EPS15: variants seen among roughly 807,000 people sequenced by gnomAD.
EPS15 encodes the protein epidermal growth factor receptor pathway substrate 15.
EPS15 carries 72 observed loss-of-function variants against 113.8 expected under a neutral mutation model. That is an observed-to-expected ratio of 0.63 (90% confidence interval 0.52 to 0.77). EPS15 has a LOEUF of 0.77. Ranked by LOEUF, EPS15 falls within the 30% of genes least tolerant of loss-of-function variation. The probability of loss-of-function intolerance (pLI) is 0.00; values close to 1 mark genes in which losing one functional copy is unlikely to be tolerated. For missense variants in EPS15, 1,048 were observed against 1,045.8 expected (o/e 1.00, Z -0.03); for synonymous variants, 344 against 363.4 (o/e 0.95, Z 0.61).
intron 1 of EPS15, among the ~76,000 whole-genome samples, chr1:51,490,564 C>CAAAA (rs60149665): frequency 1.6e-4 from 12 of 76,624 alleles, no homozygotes; most frequent in East Asian, 3.7e-4. Context: ...GACTCCATCT[C>CAAAA]AAAAAAAAAA....
intron 21 of EPS15, 44 bp from the exon 22 acceptor site, chr1:51,366,073 T>A: frequency 4.2e-6 from 2 of 471,978 alleles, no homozygotes; most frequent in Non-Finnish European, 3.1e-6. Flanking sequence ...CAGTAAGACA[T>A]TTTTTTTTTT....
chr1:51,418,293 T>C (rs1398544760), intron 13 of EPS15, among the ~76,000 whole-genome samples: 1 of 152,100 alleles, frequency 6.6e-6, no homozygotes, highest in Non-Finnish European at 1.5e-5. Flanking sequence ...ACAATCTGTC[T>C]GTCCATCTGT....
At chr1:51,508,504 T>A (rs187663678) in intron 1 of EPS15, among the ~76,000 whole-genome samples, 3 of 152,046 alleles carry the variant, frequency 2.0e-5, no homozygotes, top group Non-Finnish European at 2.9e-5. Context: ...CATAAGCAAA[T>A]GAAAGGGTTT....
chr1:51,475,410 T>C (rs1285103459), intron 2 of EPS15, among the ~76,000 whole-genome samples: 19 of 152,222 alleles, frequency 1.2e-4, no homozygotes, highest in Non-Finnish European at 1.5e-5. Context: ...GGGTTTTATT[T>C]GCATTTCTCT....
At chr1:51,476,867 T>C (rs948427530) in intron 2 of EPS15, among the ~76,000 whole-genome samples, 1 of 152,262 alleles carries the variant, frequency 6.6e-6, no homozygotes, top group African/African-American at 2.4e-5. Flanking sequence ...AGTATTTTAT[T>C]GAGGATTTTT....
rs1646832348 is a variant in EPS15 at position 51,377,652 on chromosome 1, A to G, written c.2120-11623T>C. On this transcript the variant is annotated intron_variant, in intron 21 of 24. Transcript: ENST00000371733. ...GGCAGGATCTAAAAGGACGGATACC[A>G]ATTTTCAAAGACTATCTTGTGTGGG... Among the ~76,000 whole-genome samples, 3 of 152,306 alleles carry G rather than the reference A, an allele frequency of 2.0e-5. No homozygotes were observed. The South Asian group carries it at 6.2e-4, about 32-fold the overall frequency.
At chr1:51,400,412 C>T (rs911210916) in intron 19 of EPS15, among the ~76,000 whole-genome samples, 2 of 152,048 alleles carry the variant, frequency 1.3e-5, no homozygotes, top group South Asian at 4.1e-4. Flanking sequence ...GTAAAGCTAT[C>T]GGGCACAGTC....
chr1:51,462,134 A>G (rs113048963), intron 7 of EPS15: 9,439 of 152,274 alleles, frequency 0.062, 310 homozygotes, highest in Non-Finnish European at 0.075. Flanking sequence ...AGGCTGAAGC[A>G]GGTGGATCAC....
chr1:51,509,837 A>G (rs1570455763), intron 1 of EPS15, among the ~76,000 whole-genome samples: 1 of 152,210 alleles, frequency 6.6e-6, no homozygotes, highest in South Asian at 2.1e-4. Flanking sequence ...GTAGTAGCCT[A>G]CAACATATGT....
chr1:51,513,299 T>A (rs1644659786), intron 1 of EPS15, among the ~76,000 whole-genome samples: 1 of 152,148 alleles, frequency 6.6e-6, no homozygotes, highest in South Asian at 2.1e-4. Flanking sequence ...CAGCATTAGG[T>A]GGCCAGTAAA....
chr1:51,471,586 T>C (rs1655242075), intron 4 of EPS15, 104 bp downstream of exon 4: 1 of 885,472 alleles, frequency 1.1e-6, no homozygotes, highest in East Asian at 2.4e-5. Context: ...AACTCTAATG[T>C]TGGTAAAAAC....
intron 8 of EPS15, among the ~76,000 whole-genome samples, chr1:51,449,776 G>A (rs1219400402): frequency 6.6e-6 from 1 of 151,668 alleles, no homozygotes; most frequent in Non-Finnish European, 1.5e-5. Flanking sequence ...GCTAGGCAAT[G>A]GGTGCTTGCT....
At chr1:51,441,494 A>C (rs188541306) in intron 11 of EPS15, among the ~76,000 whole-genome samples, 21 of 152,262 alleles carry the variant, frequency 1.4e-4, no homozygotes, top group Admixed American at 1.3e-3. Context: ...CTGAACATTT[A>C]AAAACTAAGA....
At chr1:51,376,946 T>G (rs965641329) in intron 21 of EPS15, among the ~76,000 whole-genome samples, 1 of 152,114 alleles carries the variant, frequency 6.6e-6, no homozygotes, top group Non-Finnish European at 1.5e-5. Flanking sequence ...CTGGGAAGGA[T>G]TCACCATTCT....
At chr1:51,494,391 T>C (rs141106247) in intron 1 of EPS15, among the ~76,000 whole-genome samples, 1 of 152,368 alleles carries the variant, frequency 6.6e-6, no homozygotes, top group African/African-American at 2.4e-5. Flanking sequence ...CTCTTCCACC[T>C]TATTCAGTTT....
chr1:51,433,608 A>G (rs1651909203), intron 12 of EPS15, among the ~76,000 whole-genome samples: 1 of 152,252 alleles, frequency 6.6e-6, no homozygotes, highest in South Asian at 2.1e-4. Context: ...AACTTCGTGG[A>G]AATGAAGACT....
rs1423624261 is a variant in EPS15, at chr1:51,409,385, GA to G, written c.1275+149del. The G allele has an allele frequency of 6.3e-6, 4 of 638,586 alleles. No individual in the cohort carries two copies. In the African/African-American group the frequency reaches 7.4e-5, roughly 12 times the overall value. The allele number at this position is 638,586 out of a possible 1,614,324, so 39.6% of individuals were successfully genotyped here. ...TAAAGAAGGCCTGTAATTTCTGGAT[GA>G]ACCTTGCTCCATCGCCCCCATGAAC... is the stretch of plus-strand genomic sequence containing the variant. On this transcript the variant is annotated intron_variant, in intron 14 of 24. Coordinates refer to ENST00000371733, the MANE Select transcript of EPS15 (RefSeq NM_001981.3).
chr1:51,360,178 G>A (rs1000267342), intron 24 of EPS15, among the ~76,000 whole-genome samples: 2 of 152,048 alleles, frequency 1.3e-5, no homozygotes, highest in African/African-American at 4.8e-5. Context: ...CACTGAGGAG[G>A]GAAATATTAG....
chr1:51,502,085 T>C lies in EPS15; in HGVS notation c.33+17114A>G, dbSNP rs777992002. On this transcript the variant is annotated intron_variant, in intron 1 of 24. Transcript: ENST00000371733. ...GAGTTTGAGACCACCCTGGGCAACA[T>C]AGTGAGACTCCATCTTTACAAAAAG... 9.1e-5 allele frequency among the ~76,000 whole-genome samples: 13 copies of C among 142,844 alleles called. No individual in the cohort carries two copies. In the South Asian group the frequency reaches 1.1e-3, roughly 12 times the overall value. 93.7% of individuals were successfully genotyped at this position (142,844 alleles called of 152,430 possible).
Sources: allele counts gnomAD v4.1 joint callset (sites outside exome capture counted in the v4.1 genomes callset), GRCh38; gene constraint gnomAD v4.1.1; transcripts MANE v1.5; gene names NCBI Gene and HGNC (gene_info 2026-07-23, HGNC 2026-07-21).